CYTH1: variants seen among roughly 807,000 people sequenced by gnomAD.
CYTH1 encodes the protein cytohesin 1.
CYTH1 carries 18 observed loss-of-function variants against 61.8 expected under a neutral mutation model. The observed-to-expected ratio is 0.29, with a 90% CI of 0.20 to 0.43. The LOEUF (loss-of-function observed/expected upper bound fraction) is 0.43. Ranked by LOEUF, CYTH1 falls within the 20% of genes least tolerant of loss-of-function variation. The pLI, the probability that CYTH1 is intolerant of heterozygous loss-of-function variation, is 1.00. For missense variants in CYTH1, 336 were observed against 510.5 expected (o/e 0.66, Z 3.29); for synonymous variants, 174 against 184.3 (o/e 0.94, Z 0.45).
rs1555615440 is a variant in CYTH1 at position 78,760,591 on chromosome 17, A to ATG, written c.22+21610_22+21611insCA. Among the ~76,000 whole-genome samples, 49 of 130,668 alleles carry ATG rather than the reference A, an allele frequency of 3.7e-4. 3 individuals are homozygous for ATG. The South Asian group carries it at 4.7e-3, about 13-fold the overall frequency. The allele number at this position is 130,668 out of a possible 152,430, so 85.7% of individuals were successfully genotyped here. ...TATACACATACATATATATGTATAT[A>ATG]TATGTATATATATAGTTTAAAAGAA... On this transcript the variant is annotated intron_variant, in intron 1 of 13. Coordinates refer to ENST00000446868, the MANE Select transcript of CYTH1 (RefSeq NM_004762.6).
chr17:78,679,856 C>G (rs559520432), intron 13 of CYTH1, among the ~76,000 whole-genome samples: 2 of 152,342 alleles, frequency 1.3e-5, no homozygotes. Flanking sequence ...CTCCTCTGAG[C>G]TGTCACTATG....
chr17:78,720,169 T>C (rs2093215914), intron 1 of CYTH1, among the ~76,000 whole-genome samples: 1 of 152,078 alleles, frequency 6.6e-6, no homozygotes, highest in Non-Finnish European at 1.5e-5. Flanking sequence ...AGAGACTGGA[T>C]TGCACAATAA....
chr17:78,738,622 T>C (rs889077445), intron 1 of CYTH1, among the ~76,000 whole-genome samples: 2 of 147,624 alleles, frequency 1.4e-5, no homozygotes, highest in Non-Finnish European at 2.9e-5. Context: ...CATATGCATA[T>C]ATTTAAAAAA....
chr17:78,686,843 G>C lies in CYTH1; in HGVS notation c.891+5574C>G, dbSNP rs150409295. ...GTTGCCCAGGCTGGAGTGCAATGGC[G>C]AGATCTTGGCTCACCGCAACCTCCG... On this transcript the variant is annotated intron_variant, in intron 11 of 13. Coordinates refer to ENST00000446868, the MANE Select transcript of CYTH1 (RefSeq NM_004762.6). 2.9e-3 allele frequency among the ~76,000 whole-genome samples: 435 copies of C among 152,132 alleles called. 6 individuals are homozygous for C. Among genetic ancestry groups the C allele is most frequent in the African/African-American group, 9.8e-3 (407 of 41,520 alleles).
Position 78,720,832 on chromosome 17 carries a change from C to T in CYTH1, c.23-11100G>A, listed in dbSNP as rs548569299. On this transcript the variant is annotated intron_variant, in intron 1 of 13. Coordinates refer to ENST00000446868, the MANE Select transcript of CYTH1 (RefSeq NM_004762.6). ...TGGAGGTTGCAGTGAGCCCAGGTTG[C>T]ACCACTGCATCCAGCCTGGGCGACA... Among the ~76,000 whole-genome samples the T allele has an allele frequency of 2.3e-3, 345 of 152,152 alleles. 5 individuals carry two copies. The highest frequency in any genetic ancestry group is 0.021 in the Admixed American group (327 of 15,298).
chr17:78,779,885 G>A (rs1292248772), intron 1 of CYTH1, among the ~76,000 whole-genome samples: 3 of 152,238 alleles, frequency 2.0e-5, no homozygotes, highest in Non-Finnish European at 4.4e-5. Flanking sequence ...TGAGCCACCA[G>A]GCTTGTGGTA....
chr17:78,737,874 T>TACACAC (rs10660165), intron 1 of CYTH1, among the ~76,000 whole-genome samples: 146 of 150,074 alleles, frequency 9.7e-4, no homozygotes, highest in African/African-American at 2.4e-3. Flanking sequence ...CTTCTATAGA[T>TACACAC]ACACACACAC....
chr17:78,695,591 GAA>G (rs752496846), intron 10 of CYTH1, among the ~76,000 whole-genome samples: 54 of 152,084 alleles, frequency 3.6e-4, no homozygotes, highest in Non-Finnish European at 1.5e-4. Flanking sequence ...GAAGAAAAAA[GAA>G]AGACTTCCTT....
At chr17:78,771,664 G>A (rs563038417) in intron 1 of CYTH1, among the ~76,000 whole-genome samples, 18 of 151,720 alleles carry the variant, frequency 1.2e-4, no homozygotes, top group Middle Eastern at 3.4e-3. Context: ...CAGGGAGTTG[G>A]AGGTTGTAGT....
chr17:78,677,256 C>T, intron 13 of CYTH1: 1 of 370,174 alleles, frequency 2.7e-6, no homozygotes, highest in South Asian at 2.0e-5. Flanking sequence ...CCCTTGGCTT[C>T]CTGGGTAGGC....
chr17:78,731,765 A>AC (rs1384810612), intron 1 of CYTH1, among the ~76,000 whole-genome samples: 1 of 151,732 alleles, frequency 6.6e-6, no homozygotes, highest in Non-Finnish European at 1.5e-5. Context: ...CAAAAAAAAA[A>AC]AAAAAACAAA....
rs1204656584 is a variant in CYTH1, at chr17:78,717,804, C to G, written c.23-8072G>C. On this transcript the variant is annotated intron_variant, in intron 1 of 13. Transcript: ENST00000446868. The surrounding 1 kb of genome is among the most constrained non-coding windows in gnomAD (Gnocchi z 4.4). ...CACTGTCCTAAATCCCCGTGGGTAC[C>G]GTCAAATGAACGTGTCCAAGGCATG... 6.6e-6 allele frequency among the ~76,000 whole-genome samples: 1 copy of G among 152,136 alleles called. No homozygotes were observed.
intron 1 of CYTH1, among the ~76,000 whole-genome samples, chr17:78,734,826 A>C (rs865805232): frequency 7.9e-5 from 12 of 151,782 alleles, no homozygotes; most frequent in African/African-American, 2.9e-4. Flanking sequence ...ATTTTCAAAA[A>C]CCCCCACATA....
intron 13 of CYTH1, chr17:78,678,311 G>A: frequency 6.6e-6 from 1 of 152,542 alleles, no homozygotes; most frequent in South Asian, 2.1e-4. Context: ...TCGCCAGCCA[G>A]CACAGTCAAA....
At chr17:78,780,772 C>G (rs998843890) in intron 1 of CYTH1, among the ~76,000 whole-genome samples, 1 of 152,012 alleles carries the variant, frequency 6.6e-6, no homozygotes, top group Non-Finnish European at 1.5e-5. Context: ...TTTGGGAGGC[C>G]GAGGCGGGTG....
At chr17:78,722,482 C>T (rs1054778721) in intron 1 of CYTH1, among the ~76,000 whole-genome samples, 1 of 152,184 alleles carries the variant, frequency 6.6e-6, no homozygotes, top group Non-Finnish European at 1.5e-5. Context: ...ACAGCTTGCT[C>T]GCCCCTCCTC....
intron 5 of CYTH1, 72 bp downstream of exon 5, chr17:78,702,050 T>G: frequency 7.9e-7 from 1 of 1,258,984 alleles, no homozygotes; most frequent in Non-Finnish European, 1.2e-6. Context: ...CTTCAGAGTA[T>G]TTGGGAGTTT....
intron 1 of CYTH1, among the ~76,000 whole-genome samples, chr17:78,721,785 T>G (rs1444518319): frequency 2.6e-5 from 4 of 152,182 alleles, no homozygotes; most frequent in Admixed American, 2.6e-4. Context: ...GGCTCACGCC[T>G]GTAATCCCAG....
At chr17:78,704,816 C>G (rs1329317622) in intron 3 of CYTH1, among the ~76,000 whole-genome samples, 1 of 152,130 alleles carries the variant, frequency 6.6e-6, no homozygotes, top group Non-Finnish European at 1.5e-5. Context: ...GTCATCGCAT[C>G]CAGGCTGTTT....
Sources: allele counts gnomAD v4.1 joint callset (sites outside exome capture counted in the v4.1 genomes callset), GRCh38; gene constraint gnomAD v4.1.1; non-coding constraint Gnocchi (gnomAD v3.1); transcripts MANE v1.5; gene names NCBI Gene and HGNC (gene_info 2026-07-23, HGNC 2026-07-21).